Variants in CREBBP observed in about 807,000 individuals in gnomAD.
The protein encoded by CREBBP is CREB-binding protein.
A neutral mutation model predicts 265.0 loss-of-function variants in CREBBP; 19 were observed. The observed-to-expected ratio is 0.07, with a 90% CI of 0.05 to 0.11. CREBBP has a LOEUF of 0.11. Ranked by LOEUF, CREBBP falls within the 10% of genes least tolerant of loss-of-function variation. The probability of loss-of-function intolerance (pLI) is 1.00; values close to 1 mark genes in which losing one functional copy is unlikely to be tolerated. For synonymous variants in CREBBP, 1,457 were observed against 1,223.7 expected (o/e 1.19, Z -3.98); for missense variants, 2,525 against 3,219.0 (o/e 0.78, Z 5.22).
intron 2 of CREBBP, among the ~76,000 whole-genome samples, chr16:3,847,884 A>C (rs907298094): frequency 6.6e-6 from 1 of 152,232 alleles, no homozygotes; most frequent in African/African-American, 2.4e-5. Flanking sequence ...AAAACTACTT[A>C]TAGGCCGGGC....
At chr16:3,736,492 A>G in intron 27 of CREBBP, 158 bp downstream of exon 27, 1 of 1,127,470 alleles carries the variant, frequency 8.9e-7, no homozygotes, top group Non-Finnish European at 1.3e-6. Flanking sequence ...TCAGCTGAAG[A>G]AAATGCTTCT....
chr16:3,859,879 T>TA (rs1337870287), intron 1 of CREBBP, among the ~76,000 whole-genome samples: 1 of 152,096 alleles, frequency 6.6e-6, no homozygotes, highest in Admixed American at 6.5e-5. Context: ...TCCTTTACAA[T>TA]AAAAAACCAG....
Position 3,729,296 on chromosome 16 carries a change from T to C in CREBBP, c.5751A>G (p.Ser1917=). 2 of 1,539,602 alleles carry C rather than the reference T, an allele frequency of 1.3e-6. No individual in the cohort carries two copies. The highest frequency in any genetic ancestry group is 1.7e-6 in the Non-Finnish European group (2 of 1,147,544). Residue 1917 remains serine, a synonymous_variant, in exon 31 of 31, where the codon TCA becomes TCG. Transcript: ENST00000262367. Reference sequence around the variant, plus strand: ...GGGCCACGCTGGGGAAGCCAGCTGGTGACATGCTCACGGGTGAGGGTTGGG... The same window carrying C: ...GGGCCACGCTGGGGAAGCCAGCTGGCGACATGCTCACGGGTGAGGGTTGGG... ...AQPQPSPVSM[S]PAGFPSVART...
rs2052642239 is a variant in CREBBP, at chr16:3,758,716, A to G, written c.3369+138T>C. 1.1e-5 allele frequency: 8 copies of G among 755,038 alleles called. 1 individual carries two copies. The South Asian group carries it at 1.2e-4, about 11-fold the overall frequency. 46.8% of individuals were successfully genotyped at this position (755,038 alleles called of 1,614,324 possible). On this transcript the variant is annotated intron_variant, in intron 17 of 30. Transcript: ENST00000262367. Reference sequence around the variant, plus strand: ...ATAAACACTTTCACTGATAACTGTTAACAGACAACAGTTTTTTATATTAGG... The same window carrying G: ...ATAAACACTTTCACTGATAACTGTTGACAGACAACAGTTTTTTATATTAGG...
chr16:3,816,220 T>G (rs1452488118), intron 2 of CREBBP, among the ~76,000 whole-genome samples: 1 of 152,192 alleles, frequency 6.6e-6, no homozygotes, highest in Non-Finnish European at 1.5e-5. Flanking sequence ...CTCCCAGGTT[T>G]CCCATTAAAA....
chr16:3,777,467 G>A, intron 11 of CREBBP, 146 bp downstream of exon 11: 1 of 842,036 alleles, frequency 1.2e-6, no homozygotes, highest in Non-Finnish European at 2.0e-6. Context: ...CATACTACCT[G>A]TAGAACTGAA....
In CREBBP at chr16:3,743,948, C is replaced by T. The variant is rs548521135; in HGVS notation, c.3982+946G>A. On this transcript the variant is annotated intron_variant, in intron 23 of 30. Transcript: ENST00000262367. The stretch of plus-strand genomic sequence containing the variant: ...AAAATTAGCTGGGCAAGGTGGCGGG[C>T]GCCTGTAGTCCCAGCTACTCGGGAG... Among the ~76,000 whole-genome samples, 21 of 152,032 alleles carry T rather than the reference C, an allele frequency of 1.4e-4. No homozygotes were observed. The East Asian group carries it at 3.7e-3, about 27-fold the overall frequency.
At chr16:3,730,484 G>C (rs2051885163) in intron 30 of CREBBP, 1 of 159,206 alleles carries the variant, frequency 6.3e-6, no homozygotes, top group South Asian at 1.8e-4. Flanking sequence ...CTGGCAACCT[G>C]ATGGAGCCCT....
chr16:3,814,679 C>G (rs535255109), intron 2 of CREBBP, among the ~76,000 whole-genome samples: 55 of 152,184 alleles, frequency 3.6e-4, no homozygotes, highest in African/African-American at 1.3e-3. Flanking sequence ...ACAGTCTCAA[C>G]AAGTTTTTAC....
At chr16:3,876,142 G>A (rs1222959950) in intron 1 of CREBBP, among the ~76,000 whole-genome samples, 1 of 151,810 alleles carries the variant, frequency 6.6e-6, no homozygotes, top group Non-Finnish European at 1.5e-5. Flanking sequence ...GGGCTCAAGC[G>A]ATCCTCCTGC....
At chr16:3,874,421 A>G (rs547428683) in intron 1 of CREBBP, among the ~76,000 whole-genome samples, 5 of 152,176 alleles carry the variant, frequency 3.3e-5, no homozygotes, top group Admixed American at 6.5e-5. Context: ...GTCCCACGTT[A>G]TATCAGTCAC....
chr16:3,728,484 T>C lies in CREBBP; in HGVS notation c.6563A>G (p.Gln2188Arg). Reference protein sequence around the residue: ...HNPNMASMNPQYREMLRRQLL... With the variant: ...HNPNMASMNPRYREMLRRQLL... The stretch of plus-strand genomic sequence containing the variant: ...CTGCCTCCGTAACATTTCTCGGTAC[T>C]GTGGATTCATACTCGCCATGTTGGG... Residue 2188 changes from glutamine to arginine, a missense_variant, in exon 31 of 31, where the codon CAG becomes CGG. This residue lies in a region of CREBBP where 473 missense variants were observed against 459.3 expected (regional missense o/e 1.03). Transcript: ENST00000262367. The surrounding 1 kb of genome is among the most constrained non-coding windows in gnomAD (Gnocchi z 8.7). The C allele has an allele frequency of 6.2e-7, 1 of 1,614,090 alleles. No individual in the cohort carries two copies. The highest frequency in any genetic ancestry group is 8.5e-7 in the Non-Finnish European group (1 of 1,180,016).
At chr16:3,736,576 T>C in intron 27 of CREBBP, 74 bp downstream of exon 27, 3 of 1,592,152 alleles carry the variant, frequency 1.9e-6, no homozygotes, top group Non-Finnish European at 2.6e-6. Flanking sequence ...AGTATGCGAA[T>C]GCAAGAAAAA....
At chr16:3,816,782 G>A (rs535425929) in intron 2 of CREBBP, among the ~76,000 whole-genome samples, 1 of 152,174 alleles carries the variant, frequency 6.6e-6, no homozygotes, top group South Asian at 2.1e-4. Flanking sequence ...CACCTTCCTG[G>A]AACATTCTCT....
chr16:3,742,370 G>A (rs1035433464), intron 23 of CREBBP: 14 of 152,170 alleles, frequency 9.2e-5, no homozygotes, highest in African/African-American at 3.4e-4. Context: ...CCTTGTATGT[G>A]CCGTTATGCA....
intron 3 of CREBBP, among the ~76,000 whole-genome samples, chr16:3,805,920 A>C (rs1271859969): frequency 6.6e-6 from 1 of 152,220 alleles, no homozygotes; most frequent in Non-Finnish European, 1.5e-5. Context: ...TTATAATTAG[A>C]GGGAATTAGG....
Position 3,777,321 on chromosome 16 carries a change from C to A in CREBBP, c.2158+292G>T, listed in dbSNP as rs374546103. On this transcript the variant is annotated intron_variant, in intron 11 of 30. Coordinates refer to ENST00000262367, the MANE Select transcript of CREBBP (RefSeq NM_004380.3). ...CTGCACTCCAGCCTGGGCGACAGAG[C>A]GAGACTCCATCTCAAAAAAATAAAA... Among the ~76,000 whole-genome samples, 58 of 151,514 alleles carry A rather than the reference C, an allele frequency of 3.8e-4. No individual in the cohort carries two copies. In the East Asian group the frequency reaches 0.011, roughly 28 times the overall value.
rs1457907994 is a variant in CREBBP at position 3,737,441 on chromosome 16, TTTTTTTC to T, written c.4395-633_4395-627del. ...TAACAGCAAGGGGCAGGAGGAACATTTTTTTTCTTTTTTCTTTTTTTTTTTTTGCGGG... is the reference window on the plus strand; with the variant it reads ...TAACAGCAAGGGGCAGGAGGAACATTTTTTTTCTTTTTTTTTTTTTGCGGG... On this transcript the variant is annotated intron_variant, in intron 26 of 30. Coordinates refer to ENST00000262367, the MANE Select transcript of CREBBP (RefSeq NM_004380.3). Among the ~76,000 whole-genome samples the T allele has an allele frequency of 2.0e-4, 30 of 151,618 alleles. 3 individuals carry two copies. The highest frequency in any genetic ancestry group is 1.5e-3 in the South Asian group (7 of 4,814).
intron 1 of CREBBP, among the ~76,000 whole-genome samples, chr16:3,859,424 C>T (rs564691561): frequency 4.6e-5 from 7 of 152,164 alleles, no homozygotes; most frequent in Non-Finnish European, 7.4e-5. Flanking sequence ...GAACTCCCAA[C>T]CTCAGGTGAT....
Sources: allele counts gnomAD v4.1 joint callset (sites outside exome capture counted in the v4.1 genomes callset), GRCh38; gene constraint gnomAD v4.1.1; regional missense constraint gnomAD v4.1.1; non-coding constraint Gnocchi (gnomAD v3.1); transcripts MANE v1.5; gene names NCBI Gene and HGNC (gene_info 2026-07-23, HGNC 2026-07-21).